Variants in PTPRF observed in about 807,000 individuals in gnomAD.
PTPRF encodes protein tyrosine phosphatase receptor type F.
Under a neutral mutation model 201.8 loss-of-function variants are expected in PTPRF, and 59 were observed. The observed-to-expected ratio is 0.29, with a 90% confidence interval of 0.24 to 0.36. The LOEUF (loss-of-function observed/expected upper bound fraction) is 0.36, where lower values mean the gene tolerates loss of function less well. Ranked by LOEUF, PTPRF falls within the 10% of genes least tolerant of loss-of-function variation. PTPRF has a pLI of 1.00. For synonymous variants in PTPRF, 1,088 were observed against 1,089.7 expected (o/e 1.00, Z 0.03); for missense variants, 2,132 against 2,690.5 (o/e 0.79, Z 4.59).
At position 43,619,048 on chromosome 1, in the gene PTPRF, A is replaced by C. The variant is rs1165369421; in HGVS notation, c.4492A>C (p.Ser1498Arg). 2 of 1,612,522 alleles carry C rather than the reference A, an allele frequency of 1.2e-6. No individual in the cohort carries two copies. The highest frequency in any genetic ancestry group is 1.7e-5 in the Admixed American group (1 of 59,992). The stretch of plus-strand genomic sequence containing the variant: ...AGTATGTCCCCACTTTGTCCCCCAG[A>C]GTGGCTCCAGTGAGAAGCGCGAGCT... ...YTVRTFALHK[S>R]GSSEKRELRQ... Residue 1498 changes from serine to arginine, a missense_variant and splice_region_variant, in exon 27 of 34, where the codon AGT (serine) becomes CGT (arginine). Transcript: ENST00000359947.
chr1:43,618,116 T>C (rs1473194878), intron 25 of PTPRF, among the ~76,000 whole-genome samples: 1 of 152,174 alleles, frequency 6.6e-6, no homozygotes. Context: ...GTGGGTTCCT[T>C]AAGATGTTAA....
intron 13 of PTPRF, among the ~76,000 whole-genome samples, chr1:43,601,832 G>A (rs1015665458): frequency 1.3e-5 from 2 of 152,172 alleles, no homozygotes; most frequent in Non-Finnish European, 2.9e-5. Context: ...CCTGCAGGCT[G>A]CCTGCCCTCC....
chr1:43,605,743 T>C (rs1654937433), intron 19 of PTPRF, 121 bp downstream of exon 19: 2 of 974,146 alleles, frequency 2.1e-6, no homozygotes, highest in South Asian at 1.5e-5. Flanking sequence ...ATCTCTCTTC[T>C]GGCTGGCAGC....
chr1:43,613,692 C>G lies in PTPRF; in HGVS notation c.4048C>G (p.Leu1350Val). The G allele has an allele frequency of 6.2e-7, 1 of 1,614,160 alleles. No individual in the cohort carries two copies. The highest frequency in any genetic ancestry group is 8.5e-7 in the Non-Finnish European group (1 of 1,179,966). ...CGAGCGCCTCAAAGCCAACGATGGC[C>G]TCAAGTTCTCCCAGGAGTATGAGGT... ...NIERLKANDG[L>V]KFSQEYESID... The change falls in exon 23 of 34, where the codon CTC becomes GTC. Residue 1350 changes from leucine to valine, a missense_variant. Transcript: ENST00000359947.
At chr1:43,591,999 C>G in intron 10 of PTPRF, 51 bp downstream of exon 10, 1 of 1,604,438 alleles carries the variant, frequency 6.2e-7, no homozygotes, top group East Asian at 2.2e-5. Flanking sequence ...CCCTGAGGGT[C>G]TGTGATGGGC....
chr1:43,535,536 G>T (rs1643947450), intron 1 of PTPRF, among the ~76,000 whole-genome samples: 1 of 152,142 alleles, frequency 6.6e-6, no homozygotes, highest in Non-Finnish European at 1.5e-5. Flanking sequence ...TGTTCCTGGT[G>T]CAGCCACAGG....
chr1:43,619,693 C>G lies in PTPRF; in HGVS notation c.4946C>G (p.Ser1649Cys). ...GCCTCTCAATAGTTGCTGGCCAGCT[C>G]CAAGGCCCACACGTCCCGCTTCATC... Reference protein sequence around the residue: ...MELEFKLLASSKAHTSRFISA... With the variant: ...MELEFKLLASCKAHTSRFISA... The change falls in exon 29 of 34, where the codon TCC becomes TGC. Residue 1649 changes from serine (S) to cysteine (C), a missense_variant. Around this residue, in one of 6 missense-constraint regions of PTPRF, gnomAD observed 519 missense variants for 659.5 expected, o/e 0.79. Coordinates refer to ENST00000359947, the MANE Select transcript of PTPRF (RefSeq NM_002840.5). The G allele has an allele frequency of 6.2e-7, 1 of 1,614,130 alleles. No individual in the cohort carries two copies. The highest frequency in any genetic ancestry group is 8.5e-7 in the Non-Finnish European group (1 of 1,179,978).
rs776693106 is a variant in PTPRF at position 43,619,057 on chromosome 1, A to G, written c.4501A>G (p.Ser1501Gly). The G allele has an allele frequency of 6.2e-7, 1 of 1,613,414 alleles. No individual in the cohort carries two copies. The highest frequency in any genetic ancestry group is 8.5e-7 in the Non-Finnish European group (1 of 1,179,552). ...RTFALHKSGS[S>G]EKRELRQFQF... is the part of the protein sequence containing the mutation. ...CCACTTTGTCCCCCAGAGTGGCTCCAGTGAGAAGCGCGAGCTGCGTCAGTT... is the reference window on the plus strand; with the variant it reads ...CCACTTTGTCCCCCAGAGTGGCTCCGGTGAGAAGCGCGAGCTGCGTCAGTT... The change falls in exon 27 of 34, where the codon AGT becomes GGT. Residue 1501 changes from serine (S) to glycine (G), a missense_variant. Ser to Gly is a moderately conservative substitution (Grantham distance 56, BLOSUM62 0). Around this residue, in one of 6 missense-constraint regions of PTPRF, gnomAD observed 519 missense variants for 659.5 expected, o/e 0.79. Coordinates refer to ENST00000359947, the MANE Select transcript of PTPRF (RefSeq NM_002840.5).
chr1:43,523,309 T>A (rs1274704089), upstream of PTPRF, among the ~76,000 whole-genome samples: 2 of 151,474 alleles, frequency 1.3e-5, no homozygotes, highest in African/African-American at 4.9e-5. Flanking sequence ...TGGGTAAGAG[T>A]CATAAAGGTG....
Position 43,598,459 on chromosome 1 carries a change from C to T in PTPRF, c.2120-261C>T, listed in dbSNP as rs555287511. ...TCAAAGACCTGGTGCCCCACCTCCACCTGTTCCCCCATGTCGACCCTCCCC... is the reference window on the plus strand; with the variant it reads ...TCAAAGACCTGGTGCCCCACCTCCATCTGTTCCCCCATGTCGACCCTCCCC... On this transcript the variant is annotated intron_variant, in intron 12 of 33. Transcript: ENST00000359947. The T allele has an allele frequency of 2.7e-5, 14 of 519,100 alleles. No homozygotes were observed. The South Asian group carries it at 3.9e-4, about 15-fold the overall frequency. 32.2% of individuals were successfully genotyped at this position (519,100 alleles called of 1,614,324 possible).
rs1456056161 is a variant in PTPRF, at chr1:43,597,908, G to A, written c.1974G>A (p.Val658=). ...AVDGEDRGRH[V]VDGISREHSS... ...ACGGCGAGGACCGCGGGCGGCATGTGGTGGATGGCATCAGCCGTGAGCACT... is the reference window on the plus strand; with the variant it reads ...ACGGCGAGGACCGCGGGCGGCATGTAGTGGATGGCATCAGCCGTGAGCACT... Residue 658 remains valine (V), a synonymous_variant, in exon 12 of 34, where the codon GTG becomes GTA. Transcript: ENST00000359947. 4 of 1,603,140 alleles carry A rather than the reference G, an allele frequency of 2.5e-6. No homozygotes were observed. Among genetic ancestry groups the A allele is most frequent in the Non-Finnish European group, 3.4e-6 (4 of 1,175,352 alleles).
chr1:43,579,630 C>T, intron 7 of PTPRF: 1 of 258,402 alleles, frequency 3.9e-6, no homozygotes, highest in Non-Finnish European at 7.6e-6. Context: ...GCTATGCTCA[C>T]AGCCTAGGGG....
intron 11 of PTPRF, among the ~76,000 whole-genome samples, chr1:43,595,919 G>A (rs564462020): frequency 6.6e-6 from 1 of 152,190 alleles, no homozygotes; most frequent in South Asian, 2.1e-4. Flanking sequence ...CCAGGCAGGG[G>A]GCAGAAACAG....
At chr1:43,538,473 G>A (rs1229498254) in intron 2 of PTPRF, among the ~76,000 whole-genome samples, 196 bp downstream of exon 2, 2 of 152,214 alleles carry the variant, frequency 1.3e-5, no homozygotes, top group Non-Finnish European at 2.9e-5. Flanking sequence ...GAAGTGGAGA[G>A]AAGGGATGTG....
At chr1:43,576,840 C>G (rs1312352847) in intron 6 of PTPRF, among the ~76,000 whole-genome samples, 2 of 152,206 alleles carry the variant, frequency 1.3e-5, no homozygotes, top group Admixed American at 6.5e-5. Flanking sequence ...TCTAGACCTT[C>G]AGAGCTCAGG....
chr1:43,604,952 G>C lies in PTPRF; in HGVS notation c.3087G>C (p.Leu1029=), dbSNP rs552566881. 1 of 1,614,022 alleles carries C rather than the reference G, an allele frequency of 6.2e-7. No homozygotes were observed. The highest frequency in any genetic ancestry group is 8.5e-7 in the Non-Finnish European group (1 of 1,180,060). The part of the protein sequence containing the change: ...RVAAAMKTSV[L]LSWEVPDSYK... The stretch of plus-strand genomic sequence containing the variant: ...CGGCTGCAATGAAGACGTCTGTGCT[G>C]CTCAGCTGGGAGGTTCCCGACTCCT... Residue 1029 remains leucine (L), a synonymous_variant, in exon 17 of 34, where the codon CTG becomes CTC. Transcript: ENST00000359947.
intron 10 of PTPRF, 48 bp downstream of exon 10, chr1:43,591,996 G>T: frequency 2.5e-6 from 4 of 1,607,316 alleles, no homozygotes; most frequent in Non-Finnish European, 3.4e-6. Flanking sequence ...GGTCCCTGAG[G>T]GTCTGTGATG....
chr1:43,606,589 A>G, intron 20 of PTPRF, 131 bp downstream of exon 20: 1 of 1,112,848 alleles, frequency 9.0e-7, no homozygotes, highest in Admixed American at 2.3e-5. Context: ...GGGCAGCACT[A>G]AAGACCCAAG....
intron 1 of PTPRF, among the ~76,000 whole-genome samples, chr1:43,531,576 A>C (rs1570842900): frequency 9.3e-5 from 13 of 139,730 alleles, no homozygotes; most frequent in South Asian, 7.1e-4. Context: ...GCCCCCTCCC[A>C]GCCGGCGGGG....
Sources: gnomAD v4.1 joint callset for allele counts (sites outside exome capture counted in the v4.1 genomes callset) on GRCh38, gnomAD v4.1.1 for gene constraint, gnomAD v4.1.1 regional missense constraint, MANE v1.5 for transcripts, NCBI Gene and HGNC (gene_info 2026-07-23, HGNC 2026-07-21) for gene names.